The following BANP variants were observed in gnomAD, a reference collection of about 807,000 sequenced individuals.
The protein encoded by BANP is protein BANP.
Under a neutral mutation model 68.1 loss-of-function variants are expected in BANP, and 11 were observed. The ratio of observed to expected loss-of-function variants is 0.16; its 90% CI spans 0.10 to 0.27. The LOEUF (loss-of-function observed/expected upper bound fraction) is 0.27, where lower values mean the gene tolerates loss of function less well. Among genes scored for constraint, BANP ranks in the 10% least tolerant of loss-of-function variants. The pLI is 1.00. For synonymous variants in BANP, 329 were observed against 303.2 expected, an observed-to-expected ratio of 1.09 and a Z score of -0.88; for missense variants, 504 against 722.7, an observed-to-expected ratio of 0.70 and a Z score of 3.47.
At chr16:88,022,477 C>G (rs2076209883) in intron 7 of BANP, among the ~76,000 whole-genome samples, 2 of 152,216 alleles carry the variant, frequency 1.3e-5, no homozygotes, top group Admixed American at 6.5e-5. Flanking sequence ...GATTGTAGTT[C>G]TTTTCAAATC....
At position 87,989,890 on chromosome 16, in the gene BANP, C is replaced by T. The variant is rs1422347383; in HGVS notation, c.362+5631C>T. Among the ~76,000 whole-genome samples the T allele has an allele frequency of 1.8e-4, 21 of 115,480 alleles. 1 individual carries two copies. The highest frequency in any genetic ancestry group is 6.2e-4 in the African/African-American group (18 of 28,986). 75.8% of individuals were successfully genotyped at this position (115,480 alleles called of 152,430 possible). On this transcript the variant is annotated intron_variant, in intron 4 of 13. Coordinates refer to ENST00000682872, the MANE Select transcript of BANP (RefSeq NM_001386991.1). ...AGGACACAGGACACAGGGTGGGTGA[C>T]GGGGGATGCAGGCCCGCGTGGCTGC...
rs137971098 is a variant in BANP at position 88,061,910 on chromosome 16, C to T, written c.1312-3357C>T. Among the ~76,000 whole-genome samples the T allele has an allele frequency of 6.6e-3, 1,011 of 152,186 alleles. 10 individuals carry two copies. Among genetic ancestry groups the T allele is most frequent in the African/African-American group, 0.023 (947 of 41,514 alleles). On this transcript the variant is annotated intron_variant, in intron 11 of 13. Transcript: ENST00000682872. ...CCAACCTCAGGTGACCAGCCCGCCT[C>T]GGCCTCCCAAAGTGCTAGGACTGCA... is the stretch of plus-strand genomic sequence containing the variant.
At chr16:88,028,485 A>G (rs2077441811) in intron 8 of BANP, among the ~76,000 whole-genome samples, 1 of 152,166 alleles carries the variant, frequency 6.6e-6, no homozygotes, top group Non-Finnish European at 1.5e-5. Flanking sequence ...GTTATCAGAT[A>G]CTCGGCCTCA....
intron 11 of BANP, among the ~76,000 whole-genome samples, chr16:88,042,156 C>T (rs1310505426): frequency 6.6e-6 from 1 of 152,238 alleles, no homozygotes; most frequent in Non-Finnish European, 1.5e-5. Flanking sequence ...GACGGAGCCC[C>T]CGGTGCTCAG....
Position 88,057,883 on chromosome 16 carries a change from T to G in BANP, c.1312-7384T>G, listed in dbSNP as rs1598966692. Among the ~76,000 whole-genome samples, 1 of 151,650 alleles carries G rather than the reference T, an allele frequency of 6.6e-6. No homozygotes were observed. Among genetic ancestry groups the G allele is most frequent in the Admixed American group, 6.6e-5 (1 of 15,238 alleles). ...CACGCAGCGAGCACTTTCCGGACAGTGCGGTGCGGGGCAGCGAGTGGCCGC... is the reference window on the plus strand; with the variant it reads ...CACGCAGCGAGCACTTTCCGGACAGGGCGGTGCGGGGCAGCGAGTGGCCGC... On this transcript the variant is annotated intron_variant, in intron 11 of 13. Coordinates refer to ENST00000682872, the MANE Select transcript of BANP (RefSeq NM_001386991.1). The surrounding 1 kb of genome is among the most constrained non-coding windows in gnomAD (Gnocchi z 4.6).
At chr16:87,963,776 C>A (rs1307535764) in intron 1 of BANP, among the ~76,000 whole-genome samples, 1 of 152,344 alleles carries the variant, frequency 6.6e-6, no homozygotes, top group South Asian at 2.1e-4. Context: ...GGAAGCCTGG[C>A]TTGACTTTTC....
chr16:87,971,373 G>T (rs2061089437), intron 1 of BANP, among the ~76,000 whole-genome samples: 1 of 152,198 alleles, frequency 6.6e-6, no homozygotes, highest in African/African-American at 2.4e-5. Flanking sequence ...GTGCCTTCAG[G>T]AGGGAATTTT....
intron 11 of BANP, among the ~76,000 whole-genome samples, chr16:88,061,564 G>A (rs1196633032): frequency 6.6e-6 from 1 of 152,218 alleles, no homozygotes; most frequent in Non-Finnish European, 1.5e-5. Flanking sequence ...TAAGAATGAG[G>A]ATGTGGCCTT....
chr16:88,029,722 G>A (rs1339218369), intron 8 of BANP, among the ~76,000 whole-genome samples: 10 of 152,052 alleles, frequency 6.6e-5, no homozygotes, highest in Admixed American at 4.6e-4. Flanking sequence ...TCTGTGAATC[G>A]GCTGTCCTAA....
chr16:87,957,849 G>A lies in BANP; in HGVS notation c.-69+6334G>A, dbSNP rs1248258824. Among the ~76,000 whole-genome samples, 2 of 152,130 alleles carry A rather than the reference G, an allele frequency of 1.3e-5. No homozygotes were observed. Among genetic ancestry groups the A allele is most frequent in the African/African-American group, 2.4e-5 (1 of 41,416 alleles). ...GTCATCATGGCATGCTGCAAGCTCTGTGGGCGCTGGTGGCCAGGATGCGGA... is the reference window on the plus strand; with the variant it reads ...GTCATCATGGCATGCTGCAAGCTCTATGGGCGCTGGTGGCCAGGATGCGGA... On this transcript the variant is annotated intron_variant, in intron 1 of 13. Coordinates refer to ENST00000682872, the MANE Select transcript of BANP (RefSeq NM_001386991.1). The surrounding 1 kb of genome is among the most constrained non-coding windows in gnomAD (Gnocchi z 4.3).
intron 1 of BANP, among the ~76,000 whole-genome samples, chr16:87,955,425 CT>C (rs1185837499): frequency 6.6e-6 from 1 of 152,220 alleles, no homozygotes; most frequent in African/African-American, 2.4e-5. Flanking sequence ...TTTCACTGAG[CT>C]TCCCTGTTGT....
intron 4 of BANP, among the ~76,000 whole-genome samples, chr16:87,988,516 C>T (rs984184154): frequency 2.0e-5 from 3 of 152,074 alleles, no homozygotes; most frequent in Non-Finnish European, 4.4e-5. Context: ...CCACCCGCCT[C>T]GGCCTCCCAA....
Position 88,071,639 on chromosome 16 carries a change from C to T in BANP, c.1378-430C>T. The T allele has an allele frequency of 2.2e-6, 1 of 463,988 alleles. No individual in the cohort carries two copies. The highest frequency in any genetic ancestry group is 1.5e-5 in the South Asian group (1 of 64,616). The allele number at this position is 463,988 out of a possible 1,614,324, so 28.7% of individuals were successfully genotyped here. ...CCTTGGGAATGGGGAGGGTTTGGGTCTCAGCCTCACGCTCACGGTCCTGGC... is the reference window on the plus strand; with the variant it reads ...CCTTGGGAATGGGGAGGGTTTGGGTTTCAGCCTCACGCTCACGGTCCTGGC... On this transcript the variant is annotated intron_variant, in intron 12 of 13. Transcript: ENST00000682872. The surrounding 1 kb of genome is among the most constrained non-coding windows in gnomAD (Gnocchi z 6.5).
intron 1 of BANP, among the ~76,000 whole-genome samples, chr16:87,965,571 G>T (rs374176048): frequency 6.8e-6 from 1 of 147,678 alleles, no homozygotes; most frequent in East Asian, 2.1e-4. Context: ...AGCCCGAGGC[G>T]CAGAGGGTCC....
intron 11 of BANP, among the ~76,000 whole-genome samples, chr16:88,061,891 T>G (rs1365654608): frequency 6.6e-6 from 1 of 152,092 alleles, no homozygotes; most frequent in Non-Finnish European, 1.5e-5. Flanking sequence ...TCTCCCAACC[T>G]CAGGTGACCA....
At chr16:87,995,364 C>T (rs2066914342) in intron 4 of BANP, among the ~76,000 whole-genome samples, 1 of 152,090 alleles carries the variant, frequency 6.6e-6, no homozygotes, top group Non-Finnish European at 1.5e-5. Flanking sequence ...TTTATTTGGC[C>T]CCGGTCCTTG....
intron 3 of BANP, 142 bp from the exon 4 acceptor site, chr16:87,983,918 C>A: frequency 7.6e-7 from 1 of 1,313,394 alleles, no homozygotes; most frequent in Non-Finnish European, 1.0e-6. Flanking sequence ...TGGCTCATAG[C>A]TCACGGGCTA....
chr16:88,066,495 C>T (rs1446178218), intron 12 of BANP, among the ~76,000 whole-genome samples: 2 of 152,184 alleles, frequency 1.3e-5, no homozygotes, highest in Non-Finnish European at 1.5e-5. Flanking sequence ...AGCTTCGACT[C>T]GGTGTCTGAC....
At chr16:88,026,810 C>T (rs1199323373) in intron 7 of BANP, among the ~76,000 whole-genome samples, 4 of 151,902 alleles carry the variant, frequency 2.6e-5, no homozygotes, top group African/African-American at 7.3e-5. Flanking sequence ...ACTGTGTTTG[C>T]GAGGGGAACA....
Sources: allele counts gnomAD v4.1 joint callset (sites outside exome capture counted in the v4.1 genomes callset), GRCh38; gene constraint gnomAD v4.1.1; non-coding constraint Gnocchi (gnomAD v3.1); transcripts MANE v1.5; gene names NCBI Gene and HGNC (gene_info 2026-07-23, HGNC 2026-07-21).